KLRG1: variants seen among roughly 807,000 people sequenced by gnomAD.
KLRG1 encodes the protein killer cell lectin like receptor G1, also known as killer cell lectin-like receptor subfamily G member 1.
KLRG1 carries 16 observed loss-of-function variants against 21.8 expected under a neutral mutation model. The observed-to-expected ratio is 0.73, with a 90% CI of 0.50 to 1.11. KLRG1 has a LOEUF of 1.11. Ranked by LOEUF, KLRG1 falls within the 50% of genes most tolerant of loss-of-function variation. The pLI is 0.00. For synonymous variants in KLRG1, 69 were observed against 75.9 expected (o/e 0.91, Z 0.47); for missense variants, 173 against 218.3 (o/e 0.79, Z 1.31).
the KLRG1 span, among the ~76,000 whole-genome samples, chr12:9,184,719 C>G: frequency 6.6e-6 from 1 of 152,230 alleles, no homozygotes; most frequent in Non-Finnish European, 1.5e-5. Flanking sequence ...GCAACATGTT[C>G]TTAACCTCAA....
At chr12:9,214,247 A>G in the KLRG1 span, among the ~76,000 whole-genome samples, 1 of 151,968 alleles carries the variant, frequency 6.6e-6, no homozygotes, top group Admixed American at 6.5e-5. Flanking sequence ...TTGTGTGGTA[A>G]GTTTCAAAAT....
chr12:9,023,247 G>A, the KLRG1 span, among the ~76,000 whole-genome samples: 57 of 152,304 alleles, frequency 3.7e-4, no homozygotes, highest in East Asian at 3.5e-3. Flanking sequence ...ATTGAATTGA[G>A]TTAGAGGACA....
intron 3 of KLRG1, among the ~76,000 whole-genome samples, chr12:8,999,776 C>T (rs746349737): frequency 3.3e-5 from 5 of 152,254 alleles, no homozygotes; most frequent in African/African-American, 9.6e-5. Context: ...TGGTGGCTCA[C>T]GCCTGTAATC....
the KLRG1 span, chr12:9,202,389 C>T: frequency 1.2e-5 from 19 of 1,613,840 alleles, no homozygotes; most frequent in South Asian, 2.2e-5. Flanking sequence ...AGTAGTTCTC[C>T]GATAAGATTC....
chr12:9,098,628 A>T, the KLRG1 span: 1 of 1,606,864 alleles, frequency 6.2e-7, no homozygotes, highest in Non-Finnish European at 8.5e-7. Flanking sequence ...AGAGCTCAGC[A>T]TCAGGCTTCA....
the KLRG1 span, chr12:9,095,646 C>T: frequency 6.2e-7 from 1 of 1,609,658 alleles, no homozygotes; most frequent in Non-Finnish European, 8.5e-7. Flanking sequence ...TTGTCCTGGT[C>T]ATTCAAAGGC....
chr12:9,139,830 C>A, the KLRG1 span, among the ~76,000 whole-genome samples: 2 of 142,676 alleles, frequency 1.4e-5, no homozygotes, highest in South Asian at 2.3e-4. Flanking sequence ...GAGAATAAAC[C>A]TGAGAGGGGA....
chr12:9,184,451 A>G, the KLRG1 span, among the ~76,000 whole-genome samples: 3 of 152,230 alleles, frequency 2.0e-5, no homozygotes, highest in Non-Finnish European at 4.4e-5. Flanking sequence ...CACAGTTGCT[A>G]GTGGGGATCC....
At chr12:9,201,012 C>T in the KLRG1 span, 1 of 1,614,158 alleles carries the variant, frequency 6.2e-7, no homozygotes, top group Non-Finnish European at 8.5e-7. Flanking sequence ...TTGATGCCAG[C>T]TTCTAGCTTG....
At chr12:9,135,141 C>A in the KLRG1 span, 1 of 218,588 alleles carries the variant, frequency 4.6e-6, no homozygotes, top group South Asian at 8.3e-5. Context: ...CTCCAAGTTT[C>A]TCCACAGCAA....
the KLRG1 span, among the ~76,000 whole-genome samples, chr12:9,069,294 A>C: frequency 1.3e-5 from 2 of 152,314 alleles, no homozygotes; most frequent in South Asian, 4.1e-4. Context: ...CTCCTACCAC[A>C]CATATCTATA....
At chr12:9,029,253 T>C in the KLRG1 span, among the ~76,000 whole-genome samples, 1 of 152,232 alleles carries the variant, frequency 6.6e-6, no homozygotes, top group East Asian at 1.9e-4. Context: ...TTCACTCTTG[T>C]TGCCCAGACT....
At chr12:9,196,325 C>T in the KLRG1 span, 4 of 1,590,960 alleles carry the variant, frequency 2.5e-6, no homozygotes, top group South Asian at 4.4e-5. Context: ...TACAACATAT[C>T]TTACCTGTGC....
At chr12:9,055,708 C>T in the KLRG1 span, 1 of 152,588 alleles carries the variant, frequency 6.6e-6, no homozygotes, top group African/African-American at 2.4e-5. Flanking sequence ...TGTTTATAGA[C>T]ACAAGCCTCA....
At chr12:8,974,458 C>T (rs1028434798) in intron 1 of KLRG1, among the ~76,000 whole-genome samples, 7 of 152,132 alleles carry the variant, frequency 4.6e-5, no homozygotes, top group Admixed American at 3.3e-4. Context: ...TGAGCCACTG[C>T]GCCCGGCTGT....
At chr12:8,993,175 T>A (rs1306238139) in intron 2 of KLRG1, among the ~76,000 whole-genome samples, 1 of 151,894 alleles carries the variant, frequency 6.6e-6, no homozygotes, top group Non-Finnish European at 1.5e-5. Flanking sequence ...AATCTGGTGA[T>A]CTAGAGGACT....
the KLRG1 span, among the ~76,000 whole-genome samples, chr12:9,139,748 C>T: frequency 6.6e-6 from 1 of 152,112 alleles, no homozygotes; most frequent in African/African-American, 2.4e-5. Context: ...GTAGCCACTC[C>T]TCCTGTAAGA....
intron 1 of KLRG1, among the ~76,000 whole-genome samples, chr12:8,963,703 CA>C (rs753509683): frequency 9.3e-4 from 141 of 152,318 alleles, no homozygotes; most frequent in Middle Eastern, 3.4e-3. Flanking sequence ...ATTATTGCCT[CA>C]ATTTCAGAGC....
chr12:9,186,008 A>G, the KLRG1 span, among the ~76,000 whole-genome samples: 4 of 151,902 alleles, frequency 2.6e-5, no homozygotes, highest in African/African-American at 7.2e-5. Context: ...GGGTTTCACC[A>G]TGTTGGCCAG....
Sources: allele counts gnomAD v4.1 joint callset (sites outside exome capture counted in the v4.1 genomes callset), GRCh38; gene constraint gnomAD v4.1.1; transcripts MANE v1.5; gene names NCBI Gene and HGNC (gene_info 2026-07-23, HGNC 2026-07-21).